SGCZ: variants seen among roughly 807,000 people sequenced by gnomAD.
SGCZ encodes zeta-sarcoglycan.
SGCZ carries 40 observed loss-of-function variants against 41.3 expected under a neutral mutation model. That is an observed-to-expected ratio of 0.97 (90% confidence interval 0.75 to 1.26). The LOEUF (loss-of-function observed/expected upper bound fraction) is 1.26, where lower values mean the gene tolerates loss of function less well. Among genes scored for constraint, SGCZ ranks in the 50% most tolerant of loss-of-function variants. The probability of loss-of-function intolerance (pLI) is 0.00; values close to 1 mark genes in which losing one functional copy is unlikely to be tolerated. For synonymous variants in SGCZ, 206 were observed against 137.5 expected (o/e 1.50, Z -3.49); for missense variants, 552 against 369.8 (o/e 1.49, Z -4.04).
At chr8:14,245,376 A>G (rs1799048224) in intron 3 of SGCZ, among the ~76,000 whole-genome samples, 1 of 152,198 alleles carries the variant, frequency 6.6e-6, no homozygotes, top group African/African-American at 2.4e-5. Flanking sequence ...TGGTGCTGGG[A>G]AAACTGGCTA....
At chr8:14,106,701 T>C (rs1005853894) in intron 6 of SGCZ, among the ~76,000 whole-genome samples, 58 of 152,332 alleles carry the variant, frequency 3.8e-4, no homozygotes, top group African/African-American at 1.3e-3. Flanking sequence ...AAAGGTTTTG[T>C]AACTTAATGT....
chr8:14,584,441 T>C (rs1205224687), intron 1 of SGCZ, among the ~76,000 whole-genome samples: 1 of 152,088 alleles, frequency 6.6e-6, no homozygotes, highest in Non-Finnish European at 1.5e-5. Context: ...AAATAATGCA[T>C]GTTTAACAGA....
chr8:14,624,498 TA>T (rs1178485765), intron 1 of SGCZ, among the ~76,000 whole-genome samples: 2 of 148,738 alleles, frequency 1.3e-5, no homozygotes, highest in Non-Finnish European at 3.0e-5. Flanking sequence ...TGCATGTCCA[TA>T]AGAGCAAAGG....
At chr8:14,603,342 T>C (rs1319987156) in intron 1 of SGCZ, among the ~76,000 whole-genome samples, 2 of 152,160 alleles carry the variant, frequency 1.3e-5, no homozygotes, top group Non-Finnish European at 2.9e-5. Context: ...AGTTAAGTCA[T>C]TTGAGCATGT....
intron 1 of SGCZ, among the ~76,000 whole-genome samples, chr8:14,882,156 A>T (rs953884780): frequency 6.6e-6 from 1 of 152,218 alleles, no homozygotes; most frequent in African/African-American, 2.4e-5. Context: ...TCTGTAAGTG[A>T]ATGTGAGGTC....
rs1427664563 is a variant in SGCZ, at chr8:14,108,252, T to C, written c.548-17A>G. 1.2e-6 allele frequency: 2 copies of C among 1,612,940 alleles called. No homozygotes were observed. Among genetic ancestry groups the C allele is most frequent in the East Asian group, 4.5e-5 (2 of 44,860 alleles). On this transcript the variant is annotated splice_polypyrimidine_tract_variant and intron_variant, in intron 5 of 7. Transcript: ENST00000382080. Reference sequence around the variant, plus strand: ...CTTCAGTGCCTGGGGGTAGCATGAATATAGCAGTCAGTATAAGCAAGTCCA... The same window carrying C: ...CTTCAGTGCCTGGGGGTAGCATGAACATAGCAGTCAGTATAAGCAAGTCCA...
intron 2 of SGCZ, among the ~76,000 whole-genome samples, chr8:14,363,350 A>G (rs1460676456): frequency 6.6e-6 from 1 of 152,150 alleles, no homozygotes; most frequent in Admixed American, 6.5e-5. Flanking sequence ...CTAGACTACT[A>G]TAGTTATGGT....
intron 1 of SGCZ, among the ~76,000 whole-genome samples, chr8:14,628,959 G>GT (rs1248853441): frequency 3.3e-5 from 5 of 152,110 alleles, no homozygotes. Flanking sequence ...CCATTTCTGA[G>GT]TCGTAATCAA....
intron 1 of SGCZ, among the ~76,000 whole-genome samples, chr8:14,579,527 A>G (rs891858849): frequency 6.6e-6 from 1 of 152,210 alleles, no homozygotes; most frequent in Non-Finnish European, 1.5e-5. Flanking sequence ...TTACACTATT[A>G]AAGTTAATTA....
At chr8:14,466,077 T>G (rs1364501152) in intron 2 of SGCZ, among the ~76,000 whole-genome samples, 1 of 151,978 alleles carries the variant, frequency 6.6e-6, no homozygotes, top group East Asian at 1.9e-4. Context: ...CATACGGCTT[T>G]AAGTTACTGT....
chr8:14,206,663 T>C (rs1289494523), intron 4 of SGCZ, among the ~76,000 whole-genome samples: 1 of 152,206 alleles, frequency 6.6e-6, no homozygotes, highest in Admixed American at 6.5e-5. Context: ...AGATTTATTC[T>C]GTTTATATAA....
chr8:14,293,042 T>C (rs188416446), intron 3 of SGCZ, among the ~76,000 whole-genome samples: 3 of 152,124 alleles, frequency 2.0e-5, no homozygotes, highest in Admixed American at 2.0e-4. Context: ...TTAAAATAAA[T>C]ACGGTGATTA....
At chr8:14,958,099 C>T (rs1800849286) in intron 1 of SGCZ, among the ~76,000 whole-genome samples, 1 of 151,988 alleles carries the variant, frequency 6.6e-6, no homozygotes, top group Non-Finnish European at 1.5e-5. Context: ...CACCTTATAA[C>T]ATGTTGGGTA....
chr8:14,200,335 T>G (rs1330964245), intron 4 of SGCZ, among the ~76,000 whole-genome samples: 3 of 152,168 alleles, frequency 2.0e-5, no homozygotes, highest in African/African-American at 7.2e-5. Flanking sequence ...CCAACATAAA[T>G]TTTTGTAGAG....
At chr8:14,446,609 C>T (rs1449402102) in intron 2 of SGCZ, among the ~76,000 whole-genome samples, 1 of 152,142 alleles carries the variant, frequency 6.6e-6, no homozygotes, top group Non-Finnish European at 1.5e-5. Flanking sequence ...TAACTTTTCT[C>T]CTTCAATGAC....
chr8:15,072,045 G>A (rs1805371427), intron 1 of SGCZ, among the ~76,000 whole-genome samples: 1 of 152,064 alleles, frequency 6.6e-6, no homozygotes, highest in African/African-American at 2.4e-5. Context: ...AAGTCTGCTT[G>A]TATCTTCTCG....
rs1047708737 is a variant in SGCZ at position 14,883,766 on chromosome 8, G to A, written c.40-328840C>T. Among the ~76,000 whole-genome samples, 19 of 145,348 alleles carry A rather than the reference G, an allele frequency of 1.3e-4. No homozygotes were observed. In the East Asian group the frequency reaches 3.6e-3, roughly 28 times the overall value. The stretch of plus-strand genomic sequence containing the variant: ...ATGTTCCTTATAGCTATCTTTGCTG[G>A]CATCCTGTTGTTTTTTTTTTTTTTT... On this transcript the variant is annotated intron_variant, in intron 1 of 7. Transcript: ENST00000382080.
chr8:14,711,626 T>C (rs1013002888), intron 1 of SGCZ, among the ~76,000 whole-genome samples: 2 of 140,842 alleles, frequency 1.4e-5, no homozygotes, highest in Non-Finnish European at 3.1e-5. Flanking sequence ...AAAAAGCCTA[T>C]ATGCGTCCCT....
intron 3 of SGCZ, among the ~76,000 whole-genome samples, chr8:14,294,071 G>C (rs1416915994): frequency 6.6e-6 from 1 of 151,484 alleles, no homozygotes; most frequent in Non-Finnish European, 1.5e-5. Flanking sequence ...TTTTTCTGTA[G>C]CCAATTATAA....
Sources: allele counts gnomAD v4.1 joint callset (sites outside exome capture counted in the v4.1 genomes callset), GRCh38; gene constraint gnomAD v4.1.1; transcripts MANE v1.5; gene names NCBI Gene and HGNC (gene_info 2026-07-23, HGNC 2026-07-21).